The following ACER3 variants were observed in gnomAD, a reference collection of about 807,000 sequenced individuals.
ACER3 encodes the protein alkaline ceramidase 3, also known as alkCDase 3.
In ACER3, 16 loss-of-function variants were observed where a neutral mutation model predicts 48.9. The observed-to-expected ratio is 0.33, with a 90% CI of 0.22 to 0.50. The LOEUF is 0.50. ACER3 is among the 20% of genes least tolerant of loss of function. The probability of loss-of-function intolerance (pLI) is 0.98; values close to 1 mark genes in which losing one functional copy is unlikely to be tolerated. For missense variants in ACER3, 227 were observed against 326.0 expected, an observed-to-expected ratio of 0.70 and a Z score of 2.34; for synonymous variants, 109 against 107.8, an observed-to-expected ratio of 1.01 and a Z score of -0.07.
chr11:76,880,879 G>A (rs1945506257), intron 1 of ACER3, among the ~76,000 whole-genome samples: 1 of 152,104 alleles, frequency 6.6e-6, no homozygotes, highest in Non-Finnish European at 1.5e-5. Context: ...TAAGCTTATT[G>A]TGCTGGTATT....
At chr11:76,886,658 G>A (rs1336165918) in intron 1 of ACER3, among the ~76,000 whole-genome samples, 3 of 152,120 alleles carry the variant, frequency 2.0e-5, no homozygotes, top group Non-Finnish European at 4.4e-5. Flanking sequence ...AGCATGCCTA[G>A]GTACTCAAGG....
At chr11:76,970,692 A>T (rs1178799444) in intron 3 of ACER3, among the ~76,000 whole-genome samples, 1 of 152,152 alleles carries the variant, frequency 6.6e-6, no homozygotes, top group Non-Finnish European at 1.5e-5. Context: ...TTTTTAAAGT[A>T]TAACTTACTT....
At chr11:77,004,917 G>T (rs10793228) in intron 7 of ACER3, among the ~76,000 whole-genome samples, 108,032 of 151,924 alleles carry the variant, frequency 0.71, 38,799 homozygotes, top group Non-Finnish European at 0.77. Flanking sequence ...TCATTTATAT[G>T]AATACAATTA....
intron 2 of ACER3, among the ~76,000 whole-genome samples, chr11:76,941,584 A>T (rs1307306261): frequency 6.6e-6 from 1 of 152,096 alleles, no homozygotes; most frequent in East Asian, 1.9e-4. Flanking sequence ...AGGCAATATG[A>T]TGCCTCAGCC....
chr11:76,952,082 AGGGCATG>A (rs1446747504), intron 2 of ACER3, among the ~76,000 whole-genome samples: 1 of 151,916 alleles, frequency 6.6e-6, no homozygotes, highest in Non-Finnish European at 1.5e-5. Flanking sequence ...AAGGAGTAAA[AGGGCATG>A]ATGTATCAAT....
At chr11:76,975,529 T>C (rs1948418633) in intron 3 of ACER3, among the ~76,000 whole-genome samples, 1 of 152,198 alleles carries the variant, frequency 6.6e-6, no homozygotes, top group African/African-American at 2.4e-5. Context: ...CCTCTTCTTA[T>C]GTATGTTAGT....
chr11:77,015,318 C>T (rs896289515), intron 8 of ACER3: 68 of 455,556 alleles, frequency 1.5e-4, no homozygotes, highest in Middle Eastern at 6.0e-4. Flanking sequence ...GAGACTATTT[C>T]ATAACCTCTG....
chr11:76,952,098 AT>A (rs1293273488), intron 2 of ACER3, among the ~76,000 whole-genome samples: 2 of 151,220 alleles, frequency 1.3e-5, no homozygotes, highest in African/African-American at 4.9e-5. Flanking sequence ...TGATGTATCA[AT>A]TTACTCATAA....
intron 2 of ACER3, among the ~76,000 whole-genome samples, chr11:76,928,189 A>T (rs1285179141): frequency 6.6e-6 from 1 of 151,930 alleles, no homozygotes; most frequent in East Asian, 1.9e-4. Context: ...TGTGGTTTTG[A>T]TTTGCATTTC....
At chr11:76,877,818 C>A (rs1590870327) in intron 1 of ACER3, among the ~76,000 whole-genome samples, 1 of 152,078 alleles carries the variant, frequency 6.6e-6, no homozygotes, top group Non-Finnish European at 1.5e-5. Flanking sequence ...TAGTGTTTAT[C>A]ATTTCCTAGC....
intron 1 of ACER3, among the ~76,000 whole-genome samples, chr11:76,879,085 T>A (rs1308687315): frequency 6.6e-6 from 1 of 152,140 alleles, no homozygotes; most frequent in East Asian, 1.9e-4. Flanking sequence ...AAATGGATGT[T>A]TTGTGACTGT....
At chr11:76,893,859 A>G (rs983238127) in intron 1 of ACER3, among the ~76,000 whole-genome samples, 1 of 152,190 alleles carries the variant, frequency 6.6e-6, no homozygotes, top group Non-Finnish European at 1.5e-5. Context: ...CTGCTTTAAA[A>G]TGTCTGTTAT....
intron 2 of ACER3, among the ~76,000 whole-genome samples, chr11:76,951,592 A>G (rs1947670684): frequency 6.6e-6 from 1 of 152,188 alleles, no homozygotes; most frequent in Non-Finnish European, 1.5e-5. Context: ...AGCTAATTTC[A>G]GGCACCTTAT....
chr11:76,903,490 G>T (rs753970942), intron 1 of ACER3, among the ~76,000 whole-genome samples: 7 of 48,150 alleles, frequency 1.5e-4, no homozygotes, highest in Non-Finnish European at 2.5e-4. Flanking sequence ...ACCTTTTATG[G>T]CCAAGGGGAA....
intron 1 of ACER3, among the ~76,000 whole-genome samples, chr11:76,861,934 C>G (rs1215099461): frequency 6.6e-6 from 1 of 152,226 alleles, no homozygotes; most frequent in Non-Finnish European, 1.5e-5. Context: ...TGGGCTTGTT[C>G]TGTGTGCCTA....
chr11:76,906,836 T>C (rs1286413602), intron 1 of ACER3, among the ~76,000 whole-genome samples: 8 of 152,178 alleles, frequency 5.3e-5, no homozygotes, highest in African/African-American at 1.7e-4. Context: ...GTTGAGATTA[T>C]AGGCATGAGC....
intron 3 of ACER3, among the ~76,000 whole-genome samples, chr11:76,963,842 A>G (rs1386786530): frequency 6.6e-6 from 1 of 151,476 alleles, no homozygotes; most frequent in Non-Finnish European, 1.5e-5. Flanking sequence ...CAAGTAGCCA[A>G]GATGGCCAAA....
chr11:76,962,906 G>A (rs1027951108), intron 3 of ACER3, among the ~76,000 whole-genome samples: 1 of 151,362 alleles, frequency 6.6e-6, no homozygotes, highest in Non-Finnish European at 1.5e-5. Flanking sequence ...CATAGTGAGG[G>A]AGAAGAAAAG....
chr11:76,915,208 T>C (rs1946493234), intron 1 of ACER3, among the ~76,000 whole-genome samples: 1 of 148,896 alleles, frequency 6.7e-6, no homozygotes, highest in African/African-American at 2.5e-5. Flanking sequence ...GAAAAATAAA[T>C]AAATAAGTTA....
Sources: allele counts gnomAD v4.1 joint callset (sites outside exome capture counted in the v4.1 genomes callset), GRCh38; gene constraint gnomAD v4.1.1; transcripts MANE v1.5; gene names NCBI Gene and HGNC (gene_info 2026-07-23, HGNC 2026-07-21).